Variants in GFPT2 observed in about 807,000 individuals in gnomAD.
GFPT2 encodes the protein glutamine--fructose-6-phosphate transaminase 2.
GFPT2 carries 62 observed loss-of-function variants against 85.6 expected under a neutral mutation model. The ratio of observed to expected loss-of-function variants is 0.72; its 90% CI spans 0.59 to 0.90. The LOEUF is 0.90. Ranked by LOEUF, GFPT2 falls within the 40% of genes least tolerant of loss-of-function variation. The probability of loss-of-function intolerance (pLI) is 0.00; values close to 1 mark genes in which losing one functional copy is unlikely to be tolerated. For synonymous variants in GFPT2, 368 were observed against 344.5 expected (o/e 1.07, Z -0.75); for missense variants, 788 against 893.4 (o/e 0.88, Z 1.50).
chr5:180,325,734 T>G (rs1764200534), intron 7 of GFPT2, among the ~76,000 whole-genome samples: 1 of 152,230 alleles, frequency 6.6e-6, no homozygotes, highest in South Asian at 2.1e-4. Flanking sequence ...GATGAAGATC[T>G]CATGATTTGG....
At chr5:180,337,885 A>G (rs557601545) in intron 2 of GFPT2, among the ~76,000 whole-genome samples, 13 of 152,206 alleles carry the variant, frequency 8.5e-5, no homozygotes, top group African/African-American at 3.1e-4. Context: ...ACTGGCTCAC[A>G]CCTACAATCT....
At chr5:180,317,729 A>C (rs1478572282) in intron 10 of GFPT2, among the ~76,000 whole-genome samples, 1 of 100,918 alleles carries the variant, frequency 9.9e-6, no homozygotes, top group Non-Finnish European at 1.9e-5. Flanking sequence ...ACAGCACTCC[A>C]GCCTGGGCGA....
rs912436195 is a variant in GFPT2 at position 180,328,925 on chromosome 5, C to T, written c.535-587G>A. 6.6e-5 allele frequency among the ~76,000 whole-genome samples: 10 copies of T among 152,214 alleles called. No individual in the cohort carries two copies. Among genetic ancestry groups the T allele is most frequent in the African/African-American group, 1.7e-4 (7 of 41,440 alleles). ...CAAGAGAAGCACAGGTTGTCATGAC[C>T]GTTACTGCTATTATCCTTTCCATGG... On this transcript the variant is annotated intron_variant, in intron 6 of 18. Transcript: ENST00000253778. This position sits in a 1 kb window ranked among gnomAD's most constrained non-coding sequence, Gnocchi z 5.4.
intron 15 of GFPT2, among the ~76,000 whole-genome samples, chr5:180,309,123 C>A (rs145695144): frequency 6.6e-6 from 1 of 152,032 alleles, no homozygotes; most frequent in Non-Finnish European, 1.5e-5. Context: ...CCACCCACCT[C>A]GGCCTCCCAA....
chr5:180,307,705 T>C (rs535831694), intron 15 of GFPT2, among the ~76,000 whole-genome samples: 2 of 152,354 alleles, frequency 1.3e-5, no homozygotes, highest in East Asian at 3.9e-4. Flanking sequence ...TCAAACCCTT[T>C]GGTCTCAGGA....
rs1763951433 is a variant in GFPT2, at chr5:180,313,917, C to T, written c.1321G>A (p.Gly441Ser). 4 of 1,605,772 alleles carry T rather than the reference C, an allele frequency of 2.5e-6. No individual in the cohort carries two copies. Among genetic ancestry groups the T allele is most frequent in the Non-Finnish European group, 3.4e-6 (4 of 1,179,458 alleles). The change falls in exon 14 of 19, where the codon GGC becomes AGC. Residue 441 changes from glycine to serine, a missense_variant. Gly to Ser is a moderately conservative substitution (Grantham distance 56). Transcript: ENST00000253778. ...LLALRYCKDR[G>S]ALTVGVTNTV... ...TTGGTGACGCCCACGGTGAGAGCGC[C>T]GCGGTCCTTACAGTAGCGCAGCGCC...
intron 4 of GFPT2, chr5:180,331,779 C>A (rs1418247941): frequency 3.7e-6 from 2 of 543,766 alleles, no homozygotes; most frequent in Non-Finnish European, 6.6e-6. Context: ...ACAATGGGAT[C>A]CGGAGGAAAT....
intron 16 of GFPT2, among the ~76,000 whole-genome samples, chr5:180,305,289 C>A (rs745730589): frequency 2.0e-5 from 3 of 152,200 alleles, no homozygotes; most frequent in Non-Finnish European, 2.9e-5. Context: ...CCCTAGCCAG[C>A]CACGTGTATA....
chr5:180,306,150 AG>A (rs1763773451), intron 16 of GFPT2, among the ~76,000 whole-genome samples: 1 of 151,960 alleles, frequency 6.6e-6, no homozygotes, highest in African/African-American at 2.4e-5. Flanking sequence ...ACGCCCAGCT[AG>A]TTTTTGAATT....
rs765339866 is a variant in GFPT2 at position 180,330,327 on chromosome 5, A to AG, written c.534+372dup. On this transcript the variant is annotated intron_variant, in intron 6 of 18. Coordinates refer to ENST00000253778, the MANE Select transcript of GFPT2 (RefSeq NM_005110.4). The surrounding 1 kb of genome is among the most constrained non-coding windows in gnomAD (Gnocchi z 4.4). ...ACAGAGTGAGACTCTGTCTCAAAAA[A>AG]GAAAAACCTAGAAACACATCCTCGC... is the stretch of plus-strand genomic sequence containing the variant. Among the ~76,000 whole-genome samples the AG allele has an allele frequency of 6.6e-6, 1 of 152,222 alleles. No homozygotes were observed. The highest frequency in any genetic ancestry group is 1.5e-5 in the Non-Finnish European group (1 of 68,036).
intron 16 of GFPT2, among the ~76,000 whole-genome samples, chr5:180,306,032 T>G (rs937988740): frequency 2.7e-5 from 4 of 150,844 alleles, no homozygotes; most frequent in African/African-American, 9.8e-5. Context: ...TCTCCCAGGC[T>G]GGAGTGCAGT....
chr5:180,318,798 A>G lies in GFPT2; in HGVS notation c.953T>C (p.Met318Thr). The change falls in exon 10 of 19, where the codon ATG becomes ACG. Residue 318 changes from methionine to threonine, a missense_variant. Physicochemically the swap from Met to Thr is moderately conservative, Grantham distance 81 (BLOSUM62 -1). Coordinates refer to ENST00000253778, the MANE Select transcript of GFPT2 (RefSeq NM_005110.4). The surrounding 1 kb of genome is among the most constrained non-coding windows in gnomAD (Gnocchi z 4.2). ...QTLQMELQQI[M>T]KGNFSAFMQK... is the part of the protein sequence containing the mutation. Reference sequence around the variant, plus strand: ...GGACTCTGGAGGACACCTGCCTTTCATGATTTGCTGCAGTTCCATCTGCAA... The same window carrying G: ...GGACTCTGGAGGACACCTGCCTTTCGTGATTTGCTGCAGTTCCATCTGCAA... The G allele has an allele frequency of 2.5e-6, 4 of 1,613,720 alleles. No homozygotes were observed. The South Asian group carries it at 4.4e-5, about 18-fold the overall frequency.
intron 17 of GFPT2, 75 bp downstream of exon 17, chr5:180,304,697 G>C: frequency 1.5e-6 from 2 of 1,318,428 alleles, no homozygotes; most frequent in Non-Finnish European, 2.2e-6. Context: ...CACTGGTACT[G>C]GCAGACAGTG....
In GFPT2 at chr5:180,328,903, G is replaced by A. The variant is rs1237895031; in HGVS notation, c.535-565C>T. On this transcript the variant is annotated intron_variant, in intron 6 of 18. Coordinates refer to ENST00000253778, the MANE Select transcript of GFPT2 (RefSeq NM_005110.4). This position sits in a 1 kb window ranked among gnomAD's most constrained non-coding sequence, Gnocchi z 5.4. The stretch of plus-strand genomic sequence containing the variant: ...CTGAGCCTGGCATCCGGAGACCCAA[G>A]AGAAGCACAGGTTGTCATGACCGTT... 6.6e-6 allele frequency among the ~76,000 whole-genome samples: 1 copy of A among 152,236 alleles called. No homozygotes were observed. The highest frequency in any genetic ancestry group is 2.4e-5 in the African/African-American group (1 of 41,458).
chr5:180,305,897 C>A (rs1763766226), intron 16 of GFPT2, among the ~76,000 whole-genome samples: 2 of 152,128 alleles, frequency 1.3e-5, no homozygotes, highest in South Asian at 4.2e-4. Flanking sequence ...GCCCTGCACT[C>A]CCCACCAAGA....
chr5:180,330,693 A>T lies in GFPT2; in HGVS notation c.534+7T>A, dbSNP rs1764285667. 6.2e-7 allele frequency: 1 copy of T among 1,609,842 alleles called. No homozygotes were observed. The highest frequency in any genetic ancestry group is 1.7e-5 in the Admixed American group (1 of 59,942). ...AATGAGTTAGACAGATGGGATTTGT[A>T]ACTCACCAACTGCTGAATGACTCTC... is the stretch of plus-strand genomic sequence containing the variant. On this transcript the variant is annotated splice_region_variant and intron_variant, in intron 6 of 18. Coordinates refer to ENST00000253778, the MANE Select transcript of GFPT2 (RefSeq NM_005110.4). This position sits in a 1 kb window ranked among gnomAD's most constrained non-coding sequence, Gnocchi z 4.4.
rs779504366 is a variant in GFPT2 at position 180,318,938 on chromosome 5, G to C, written c.813C>G (p.Thr271=). The change falls in exon 10 of 19, where the codon ACC becomes ACG. Residue 271 remains threonine (T), a synonymous_variant. Transcript: ENST00000253778. This position sits in a 1 kb window ranked among gnomAD's most constrained non-coding sequence, Gnocchi z 4.2. ...CGTCCTCCAGGAAGATGACCCGGTT[G>C]GTGTGCTCTATGATAGCGCTGGGGC... The part of the protein sequence containing the change: ...ASDASAIIEH[T]NRVIFLEDDD... The C allele has an allele frequency of 6.2e-7, 1 of 1,613,126 alleles. No homozygotes were observed. The highest frequency in any genetic ancestry group is 1.1e-5 in the South Asian group (1 of 91,082).
rs1309561171 is a variant in GFPT2 at position 180,307,843 on chromosome 5, T to A, written c.1547-540A>T. On this transcript the variant is annotated intron_variant, in intron 15 of 18. Transcript: ENST00000253778. ...AAATAACACTGAGGACCAGGCGTGG[T>A]GGCTCACGCCTGTAATCGCCGCACT... 2.0e-5 allele frequency among the ~76,000 whole-genome samples: 3 copies of A among 152,266 alleles called. No individual in the cohort carries two copies. The East Asian group carries it at 5.8e-4, about 29-fold the overall frequency.
chr5:180,328,242 T>G lies in GFPT2; in HGVS notation c.596+35A>C, dbSNP rs924209865. 2.6e-6 allele frequency: 4 copies of G among 1,523,924 alleles called. No individual in the cohort carries two copies. Among genetic ancestry groups the G allele is most frequent in the Non-Finnish European group, 1.8e-6 (2 of 1,097,752 alleles). 94.4% of individuals were successfully genotyped at this position (1,523,924 alleles called of 1,614,324 possible). On this transcript the variant is annotated intron_variant, in intron 7 of 18. Coordinates refer to ENST00000253778, the MANE Select transcript of GFPT2 (RefSeq NM_005110.4). This position sits in a 1 kb window ranked among gnomAD's most constrained non-coding sequence, Gnocchi z 5.4. ...CAGCTAAGTGATTTTATTTTCGTTC[T>G]TTCTTATGGGAAATGCCAGTGTGTT...
Sources: allele counts gnomAD v4.1 joint callset (sites outside exome capture counted in the v4.1 genomes callset), GRCh38; gene constraint gnomAD v4.1.1; non-coding constraint Gnocchi (gnomAD v3.1); transcripts MANE v1.5; gene names NCBI Gene and HGNC (gene_info 2026-07-23, HGNC 2026-07-21).